RPS6KA3: variants seen among roughly 807,000 people sequenced by gnomAD.
RPS6KA3 encodes the protein ribosomal protein S6 kinase alpha-3.
In RPS6KA3, 4 loss-of-function variants were observed where a neutral mutation model predicts 67.2. The observed-to-expected ratio is 0.06, with a 90% CI of 0.03 to 0.14. The LOEUF is 0.14. RPS6KA3 is among the 10% of genes least tolerant of loss of function. The pLI is 1.00. For missense variants in RPS6KA3, 204 were observed against 559.0 expected, an observed-to-expected ratio of 0.36 and a Z score of 6.40; for synonymous variants, 182 against 183.7, an observed-to-expected ratio of 0.99 and a Z score of 0.07.
At chrX:20,160,620 G>C (rs2067284087) in intron 20 of RPS6KA3, among the ~76,000 whole-genome samples, 1 of 110,564 alleles carries the variant, frequency 9.0e-6, no homozygotes, top group African/African-American at 3.3e-5. Flanking sequence ...GTAGAGTTGG[G>C]GTTTCACCAT....
upstream of RPS6KA3, chrX:20,267,023 G>T: frequency 1.3e-6 from 1 of 754,096 alleles, no homozygotes; most frequent in South Asian, 6.7e-5. Flanking sequence ...CTCACAACAT[G>T]GCGCCTAAGC....
chrX:20,228,369 A>G (rs1370381775), intron 2 of RPS6KA3, among the ~76,000 whole-genome samples: 1 of 111,865 alleles, frequency 8.9e-6, no homozygotes, highest in Non-Finnish European at 1.9e-5. Flanking sequence ...AAAGGACAGT[A>G]TCTGACATTT....
intron 4 of RPS6KA3, among the ~76,000 whole-genome samples, chrX:20,198,364 C>T (rs1031011546): frequency 3.6e-5 from 4 of 111,579 alleles, no homozygotes; most frequent in African/African-American, 9.8e-5. Context: ...TTCTAGCACC[C>T]GACTCTTAAA....
chrX:20,245,243 G>C (rs889562782), intron 1 of RPS6KA3, among the ~76,000 whole-genome samples: 12 of 111,814 alleles, frequency 1.1e-4, no homozygotes, highest in Non-Finnish European at 2.3e-4. Flanking sequence ...AAAACTTTAA[G>C]GATTAAAGTT....
intron 6 of RPS6KA3, 111 bp downstream of exon 6, chrX:20,194,078 G>C (rs2068209540): frequency 2.0e-6 from 1 of 509,616 alleles, no homozygotes; most frequent in African/African-American, 2.4e-5. Context: ...GATTCTTCCA[G>C]AATCTTGTGC....
chrX:20,204,474 GC>G (rs995757427), intron 3 of RPS6KA3, among the ~76,000 whole-genome samples: 1 of 112,269 alleles, frequency 8.9e-6, no homozygotes, highest in African/African-American at 3.2e-5. Flanking sequence ...ATTCTACTGA[GC>G]CCGTCAAAAT....
Position 20,153,585 on chromosome X carries a change from G to C in RPS6KA3, c.*1813C>G, listed in dbSNP as rs2067137002. ...TTCTGATATAAATGGCTTATTACAT[G>C]ATGACTAACAAAAATCTGTATGAGT... On this transcript the variant is annotated 3_prime_UTR_variant, in exon 22 of 22. Transcript: ENST00000379565. The C allele has an allele frequency of 9.1e-6, 1 of 110,226 alleles. No homozygotes were observed. The highest frequency in any genetic ancestry group is 1.9e-5 in the Non-Finnish European group (1 of 52,696). The allele number at this position is 110,226 out of a possible 1,213,427, so 9.1% of individuals were successfully genotyped here.
intron 4 of RPS6KA3, among the ~76,000 whole-genome samples, chrX:20,197,897 T>A (rs2068315320): frequency 8.9e-6 from 1 of 112,059 alleles, no homozygotes; most frequent in Non-Finnish European, 1.9e-5. Flanking sequence ...TATTTTTTCT[T>A]CTAGAGTAGT....
At chrX:20,176,620 C>T (rs2148664554) in intron 11 of RPS6KA3, 122 bp from the exon 12 acceptor site, 1 of 527,308 alleles carries the variant, frequency 1.9e-6, no homozygotes, top group African/African-American at 2.4e-5. Flanking sequence ...GAGACAAGGG[C>T]TTGCTCTGTC....
chrX:20,210,272 C>A (rs2068679792), intron 2 of RPS6KA3, among the ~76,000 whole-genome samples: 1 of 111,672 alleles, frequency 9.0e-6, no homozygotes, highest in South Asian at 3.7e-4. Context: ...ATGTTATAGT[C>A]AAAAATTACA....
chrX:20,181,444 T>C (rs5955590), intron 10 of RPS6KA3, among the ~76,000 whole-genome samples: 2,706 of 110,716 alleles, frequency 0.024, 84 homozygotes, highest in African/African-American at 0.083. Flanking sequence ...TCCCATCTAA[T>C]ATGGCTCCTG....
intron 21 of RPS6KA3, 67 bp downstream of exon 21, chrX:20,156,042 G>T: frequency 9.1e-7 from 1 of 1,103,362 alleles, no homozygotes; most frequent in Non-Finnish European, 1.3e-6. Flanking sequence ...CTGGGGGCAT[G>T]GACAGGGCTT....
chrX:20,202,450 C>A (rs973853982), intron 4 of RPS6KA3, among the ~76,000 whole-genome samples: 2 of 111,785 alleles, frequency 1.8e-5, no homozygotes, highest in African/African-American at 6.5e-5. Flanking sequence ...CCCCCAATAA[C>A]ACACTAAGTT....
intron 1 of RPS6KA3, among the ~76,000 whole-genome samples, chrX:20,252,184 C>T (rs1569273441): frequency 9.0e-6 from 1 of 111,688 alleles, no homozygotes; most frequent in African/African-American, 3.3e-5. Context: ...TTTTCTGAGA[C>T]TAATTTTTCA....
intron 10 of RPS6KA3, among the ~76,000 whole-genome samples, chrX:20,183,850 G>A (rs1224393968): frequency 1.8e-5 from 2 of 111,703 alleles, no homozygotes; most frequent in Non-Finnish European, 3.8e-5. Flanking sequence ...GTAGCCACTA[G>A]CTACATATGG....
chrX:20,166,778 T>C (rs1286241028), intron 17 of RPS6KA3, among the ~76,000 whole-genome samples: 8 of 97,070 alleles, frequency 8.2e-5, no homozygotes, highest in Non-Finnish European at 1.4e-4. Flanking sequence ...AGTGCAGTGG[T>C]GCAATTTCAA....
intron 1 of RPS6KA3, chrX:20,265,928 C>T (rs1569285838): frequency 1.8e-5 from 2 of 110,686 alleles, no homozygotes; most frequent in Non-Finnish European, 3.8e-5. Flanking sequence ...CTCACAGGGA[C>T]GGGGGTCTAG....
intron 1 of RPS6KA3, among the ~76,000 whole-genome samples, chrX:20,247,529 G>C (rs1293161274): frequency 1.8e-5 from 2 of 112,121 alleles, no homozygotes; most frequent in Non-Finnish European, 3.8e-5. Flanking sequence ...GCTCATGCCT[G>C]TAATCCCAGC....
chrX:20,242,324 T>C (rs1335061781), intron 1 of RPS6KA3, among the ~76,000 whole-genome samples: 1 of 111,812 alleles, frequency 8.9e-6, no homozygotes. Context: ...AACCATACAG[T>C]AACCAAGAAT....
Sources: allele counts gnomAD v4.1 joint callset (sites outside exome capture counted in the v4.1 genomes callset), GRCh38; gene constraint gnomAD v4.1.1; transcripts MANE v1.5; gene names NCBI Gene and HGNC (gene_info 2026-07-23, HGNC 2026-07-21).